DCC: variants seen among roughly 807,000 people sequenced by gnomAD.
DCC encodes the protein netrin receptor DCC.
A neutral mutation model predicts 172.5 loss-of-function variants in DCC; 58 were observed. That is an observed-to-expected ratio of 0.34 (90% CI 0.27 to 0.42). The LOEUF (loss-of-function observed/expected upper bound fraction) is 0.42, where lower values mean the gene tolerates loss of function less well. DCC is among the 10% of genes least tolerant of loss of function. The pLI, the probability that DCC is intolerant of heterozygous loss-of-function variation, is 1.00. For missense variants in DCC, 1,740 were observed against 1,791.0 expected (o/e 0.97, Z 0.51); for synonymous variants, 709 against 644.5 (o/e 1.10, Z -1.52).
chr18:52,746,782 A>G (rs991117271), intron 1 of DCC, among the ~76,000 whole-genome samples: 2 of 4,620 alleles, frequency 4.3e-4, no homozygotes, highest in African/African-American at 4.7e-4. Flanking sequence ...TGTCTGAGAA[A>G]ACTAAAACAT....
At chr18:52,505,951 G>A (rs2031215649) in intron 1 of DCC, among the ~76,000 whole-genome samples, 1 of 152,080 alleles carries the variant, frequency 6.6e-6, no homozygotes, top group African/African-American at 2.4e-5. Context: ...AAATTTTATG[G>A]AAATATTTCC....
At chr18:52,366,145 C>T (rs1437703758) in intron 1 of DCC, among the ~76,000 whole-genome samples, 4 of 152,170 alleles carry the variant, frequency 2.6e-5, no homozygotes, top group Non-Finnish European at 5.9e-5. Flanking sequence ...TTTATGCTGA[C>T]TCCTGACTTT....
intron 9 of DCC, among the ~76,000 whole-genome samples, chr18:53,179,972 C>T (rs2055170089): frequency 6.6e-6 from 1 of 152,106 alleles, no homozygotes; most frequent in Admixed American, 6.5e-5. Context: ...TTTTATATAA[C>T]AAAATTTGTA....
chr18:52,736,657 A>G (rs2036734627), intron 1 of DCC, among the ~76,000 whole-genome samples: 1 of 152,214 alleles, frequency 6.6e-6, no homozygotes, highest in South Asian at 2.1e-4. Context: ...TAGTTTTTAA[A>G]ATTACAATCC....
intron 1 of DCC, among the ~76,000 whole-genome samples, chr18:52,749,284 C>T (rs1473337494): frequency 1.3e-5 from 2 of 152,170 alleles, no homozygotes; most frequent in African/African-American, 4.8e-5. Flanking sequence ...TGGTCACAGA[C>T]TCCATTCAGA....
chr18:52,348,919 A>G (rs1983996703), intron 1 of DCC, among the ~76,000 whole-genome samples: 1 of 152,154 alleles, frequency 6.6e-6, no homozygotes. Context: ...TTTATAGAGA[A>G]TCATTTACAG....
At chr18:53,290,595 T>C (rs1207987867) in intron 12 of DCC, among the ~76,000 whole-genome samples, 1 of 152,084 alleles carries the variant, frequency 6.6e-6, no homozygotes, top group Non-Finnish European at 1.5e-5. Flanking sequence ...AATTTGACAG[T>C]TTGCTTGAAG....
rs541261026 is a variant in DCC, at chr18:52,718,767, C to G, written c.92-33287C>G. Among the ~76,000 whole-genome samples the G allele has an allele frequency of 1.1e-4, 17 of 152,280 alleles. 1 individual carries two copies. The South Asian group carries it at 3.5e-3, about 32-fold the overall frequency. ...CTACCATTCTCTAGGCGTTTATAGACAATGTTTATTAAATATGGGCCCTCA... is the reference window on the plus strand; with the variant it reads ...CTACCATTCTCTAGGCGTTTATAGAGAATGTTTATTAAATATGGGCCCTCA... On this transcript the variant is annotated intron_variant, in intron 1 of 28. Coordinates refer to ENST00000442544, the MANE Select transcript of DCC (RefSeq NM_005215.4).
chr18:52,652,190 G>A (rs2035146034), intron 1 of DCC, among the ~76,000 whole-genome samples: 1 of 152,132 alleles, frequency 6.6e-6, no homozygotes, highest in Admixed American at 6.5e-5. Context: ...CGTTGCCCAA[G>A]GAAGAAAAGC....
At chr18:52,445,974 C>G (rs1337035815) in intron 1 of DCC, among the ~76,000 whole-genome samples, 1 of 152,198 alleles carries the variant, frequency 6.6e-6, no homozygotes, top group East Asian at 1.9e-4. Context: ...CTCTGTCGCC[C>G]AGGCTAGAGT....
chr18:52,847,188 C>T (rs2038908164), intron 2 of DCC, among the ~76,000 whole-genome samples: 1 of 152,182 alleles, frequency 6.6e-6, no homozygotes, highest in Non-Finnish European at 1.5e-5. Context: ...GAAAGTTTTG[C>T]TACTTAGCCA....
chr18:52,721,546 C>G (rs930026806), intron 1 of DCC, among the ~76,000 whole-genome samples: 1 of 152,098 alleles, frequency 6.6e-6, no homozygotes, highest in African/African-American at 2.4e-5. Context: ...AATATCTTAC[C>G]TAGAAAGAGA....
chr18:52,374,402 G>T (rs563234542), intron 1 of DCC, among the ~76,000 whole-genome samples: 1 of 152,096 alleles, frequency 6.6e-6, no homozygotes, highest in Admixed American at 6.5e-5. Flanking sequence ...TCCAGAACAA[G>T]TATGTTCAGT....
intron 28 of DCC, among the ~76,000 whole-genome samples, chr18:53,529,004 T>G (rs1009634960): frequency 3.9e-4 from 26 of 66,244 alleles, no homozygotes; most frequent in Non-Finnish European, 8.6e-4. Flanking sequence ...CACTTCAACT[T>G]CTCTCTCTCT....
intron 1 of DCC, among the ~76,000 whole-genome samples, chr18:52,638,429 T>G (rs961841202): frequency 6.6e-6 from 1 of 152,126 alleles, no homozygotes; most frequent in Non-Finnish European, 1.5e-5. Flanking sequence ...AAACTAACCA[T>G]TTGCTGCCTT....
intron 24 of DCC, among the ~76,000 whole-genome samples, chr18:53,465,989 C>T (rs751742561): frequency 7.9e-5 from 12 of 152,176 alleles, no homozygotes; most frequent in Non-Finnish European, 1.5e-4. Context: ...TGGTCTCGAT[C>T]TCCTGACCTC....
rs1373556873 is a variant in DCC, at chr18:53,260,794, C to G, written c.1912-44784C>G. ...GCCTTTTGTTTGTCTATGCCCTGCC[C>G]TCAGAGGTGGAGTCTACAGAGGCAG... On this transcript the variant is annotated intron_variant, in intron 12 of 28. Transcript: ENST00000442544. Among the ~76,000 whole-genome samples, 5 of 152,138 alleles carry G rather than the reference C, an allele frequency of 3.3e-5. No homozygotes were observed. In the East Asian group the frequency reaches 9.7e-4, roughly 29 times the overall value.
chr18:53,340,016 C>T, intron 15 of DCC, 109 bp downstream of exon 15: 1 of 839,376 alleles, frequency 1.2e-6, no homozygotes, highest in Non-Finnish European at 1.9e-6. Flanking sequence ...CAACTTACAG[C>T]ATGTATTAGC....
chr18:53,411,936 C>A (rs1910012218), intron 20 of DCC, among the ~76,000 whole-genome samples: 1 of 152,092 alleles, frequency 6.6e-6, no homozygotes, highest in Non-Finnish European at 1.5e-5. Context: ...TCATTTTTAT[C>A]TATAGATGAG....
Sources: allele counts gnomAD v4.1 joint callset (sites outside exome capture counted in the v4.1 genomes callset), GRCh38; gene constraint gnomAD v4.1.1; transcripts MANE v1.5; gene names NCBI Gene and HGNC (gene_info 2026-07-23, HGNC 2026-07-21).